The following TMEM135 variants were observed in gnomAD, a reference collection of about 807,000 sequenced individuals.
TMEM135 encodes the protein transmembrane protein 135.
In TMEM135, 30 loss-of-function variants were observed where a neutral mutation model predicts 60.3. The ratio of observed to expected loss-of-function variants is 0.50; its 90% CI spans 0.37 to 0.68. TMEM135 has a LOEUF of 0.68. Among genes scored for constraint, TMEM135 ranks in the 30% least tolerant of loss-of-function variants. The pLI, the probability that TMEM135 is intolerant of heterozygous loss-of-function variation, is 0.00. For missense variants in TMEM135, 468 were observed against 548.8 expected (o/e 0.85, Z 1.47); for synonymous variants, 190 against 186.7 (o/e 1.02, Z -0.14).
chr11:87,151,576 G>A (rs185790857), intron 4 of TMEM135, among the ~76,000 whole-genome samples: 56 of 144,082 alleles, frequency 3.9e-4, no homozygotes, highest in African/African-American at 1.4e-3. Flanking sequence ...GCTTATGGAA[G>A]CTCACTGTTT....
intron 5 of TMEM135, among the ~76,000 whole-genome samples, chr11:87,222,322 C>G (rs574614188): frequency 6.7e-6 from 1 of 149,318 alleles, no homozygotes. Flanking sequence ...CGGTGAAACC[C>G]CGTCTCTACT....
At chr11:87,061,857 C>G (rs2135128870) in intron 1 of TMEM135, among the ~76,000 whole-genome samples, 1 of 152,248 alleles carries the variant, frequency 6.6e-6, no homozygotes, top group African/African-American at 2.4e-5. Context: ...GGGGCCTGAC[C>G]TTATAATTTT....
intron 4 of TMEM135, among the ~76,000 whole-genome samples, chr11:87,108,363 C>G (rs1857652356): frequency 6.6e-6 from 1 of 152,060 alleles, no homozygotes; most frequent in Non-Finnish European, 1.5e-5. Context: ...ATGGTATTGC[C>G]TAGGTTTTCT....
chr11:87,318,591 A>C (rs1757611062), intron 13 of TMEM135, among the ~76,000 whole-genome samples: 1 of 152,236 alleles, frequency 6.6e-6, no homozygotes, highest in Admixed American at 6.5e-5. Context: ...ATAGGCATAA[A>C]TATAAATAAT....
At chr11:87,039,371 G>T (rs1238878672) in intron 1 of TMEM135, among the ~76,000 whole-genome samples, 2 of 152,182 alleles carry the variant, frequency 1.3e-5, no homozygotes, top group Non-Finnish European at 2.9e-5. Flanking sequence ...TTAGGTCCTG[G>T]TGGGGCCTGA....
intron 5 of TMEM135, among the ~76,000 whole-genome samples, chr11:87,189,937 G>GAATA (rs1255100046): frequency 1.2e-4 from 18 of 151,668 alleles, no homozygotes; most frequent in Non-Finnish European, 1.8e-4. Flanking sequence ...ATGAATGAAT[G>GAATA]AATAAATAAA....
At chr11:87,176,679 G>A (rs1006304531) in intron 5 of TMEM135, among the ~76,000 whole-genome samples, 2 of 152,164 alleles carry the variant, frequency 1.3e-5, no homozygotes, top group African/African-American at 4.8e-5. Flanking sequence ...GTAGGTTGAA[G>A]AGTTGAAGGA....
At chr11:87,248,214 C>G (rs1427751102) in intron 6 of TMEM135, among the ~76,000 whole-genome samples, 1 of 152,088 alleles carries the variant, frequency 6.6e-6, no homozygotes, top group Admixed American at 6.5e-5. Context: ...TGGGAGTACA[C>G]CTAGCAGTGA....
At position 87,323,484 on chromosome 11, in the gene TMEM135, CT is replaced by C. The variant is rs1590873026; in HGVS notation, c.*2156del. Reference sequence around the variant, plus strand: ...TAACTAATCAGGTATTGATTGACAACTTTTTGGCATTATAAATAAAGTAAAA... The same window carrying C: ...TAACTAATCAGGTATTGATTGACAACTTTTGGCATTATAAATAAAGTAAAA... On this transcript the variant is annotated 3_prime_UTR_variant, in exon 15 of 15. Transcript: ENST00000305494. 2.2e-6 allele frequency: 1 copy of C among 453,926 alleles called. No individual in the cohort carries two copies. The highest frequency in any genetic ancestry group is 4.4e-6 in the Non-Finnish European group (1 of 226,706). The allele number at this position is 453,926 out of a possible 1,614,324, so 28.1% of individuals were successfully genotyped here. A position where few individuals can be genotyped will look rare whatever the true frequency, so the allele number is the denominator to read the frequency against.
intron 4 of TMEM135, chr11:87,121,018 G>A (rs1164206640): frequency 1.4e-4 from 22 of 152,176 alleles, no homozygotes; most frequent in Admixed American, 1.4e-3. Context: ...CATTCAATAT[G>A]TACATTACTG....
chr11:87,214,769 G>A (rs143736520), intron 5 of TMEM135, among the ~76,000 whole-genome samples: 189 of 152,152 alleles, frequency 1.2e-3, no homozygotes, highest in African/African-American at 4.1e-3. Flanking sequence ...TTGCTATAAC[G>A]ACTGATTAGT....
intron 6 of TMEM135, among the ~76,000 whole-genome samples, chr11:87,247,843 G>T (rs117513322): frequency 6.6e-6 from 1 of 151,966 alleles, no homozygotes; most frequent in Non-Finnish European, 1.5e-5. Flanking sequence ...TTCGGCTTGC[G>T]TATGTTGCCC....
Position 87,323,441 on chromosome 11 carries a change from T to C in TMEM135, c.*2108T>C. 1 of 454,034 alleles carries C rather than the reference T, an allele frequency of 2.2e-6. No homozygotes were observed. Among genetic ancestry groups the C allele is most frequent in the Non-Finnish European group, 4.4e-6 (1 of 226,742 alleles). 28.1% of individuals were successfully genotyped at this position (454,034 alleles called of 1,614,324 possible). ...TTTGTGTTTTTGAAGACAATCAGAATGATTACCTTTCTACCTCTAACTAAT... is the reference window on the plus strand; with the variant it reads ...TTTGTGTTTTTGAAGACAATCAGAACGATTACCTTTCTACCTCTAACTAAT... On this transcript the variant is annotated 3_prime_UTR_variant, in exon 15 of 15. Transcript: ENST00000305494.
At chr11:87,154,061 G>C (rs12099360) in intron 4 of TMEM135, among the ~76,000 whole-genome samples, 2 of 152,004 alleles carry the variant, frequency 1.3e-5, no homozygotes. Flanking sequence ...ATTGTTGTGC[G>C]TTCACTACTA....
rs1565168771 is a variant in TMEM135 at position 87,314,566 on chromosome 11, C to T, written c.1077+19C>T. 6.3e-7 allele frequency: 1 copy of T among 1,597,074 alleles called. No homozygotes were observed. The highest frequency in any genetic ancestry group is 8.6e-7 in the Non-Finnish European group (1 of 1,165,814). ...GGTAGAGGTAAGCGAAATTTTTGTGCAAGAATAGTTCCAAAGAACATAAAG... is the reference window on the plus strand; with the variant it reads ...GGTAGAGGTAAGCGAAATTTTTGTGTAAGAATAGTTCCAAAGAACATAAAG... On this transcript the variant is annotated intron_variant, in intron 12 of 14. Coordinates refer to ENST00000305494, the MANE Select transcript of TMEM135 (RefSeq NM_022918.4).
At chr11:87,040,662 C>CAA (rs199617777) in intron 1 of TMEM135, among the ~76,000 whole-genome samples, 3,196 of 114,956 alleles carry the variant, frequency 0.028, 36 homozygotes, top group Admixed American at 0.036. Flanking sequence ...AACTCCATCA[C>CAA]AAAAAAAAAA....
chr11:87,298,012 C>A (rs886700079), intron 7 of TMEM135, among the ~76,000 whole-genome samples: 4 of 152,136 alleles, frequency 2.6e-5, no homozygotes, highest in Non-Finnish European at 4.4e-5. Flanking sequence ...TGTCAAGTTT[C>A]ATTGTAAAAA....
intron 4 of TMEM135, among the ~76,000 whole-genome samples, chr11:87,140,820 G>A (rs375101576): frequency 2.0e-5 from 3 of 152,194 alleles, no homozygotes; most frequent in South Asian, 2.1e-4. Context: ...AGTGAGTTAC[G>A]GGTTGAGGTT....
chr11:87,120,993 G>A (rs1858042349), intron 4 of TMEM135: 1 of 152,188 alleles, frequency 6.6e-6, no homozygotes, highest in Admixed American at 6.5e-5. Context: ...TCAAGGTTTA[G>A]TGAGATGTAG....
Sources: gnomAD v4.1 joint callset for allele counts (sites outside exome capture counted in the v4.1 genomes callset) on GRCh38, gnomAD v4.1.1 for gene constraint, MANE v1.5 for transcripts, NCBI Gene and HGNC (gene_info 2026-07-23, HGNC 2026-07-21) for gene names.